Variants in AKAP13 observed in about 807,000 individuals in gnomAD.
AKAP13 encodes the protein A-kinase anchor protein 13.
In AKAP13, 80 loss-of-function variants were observed where a neutral mutation model predicts 264.5. That is an observed-to-expected ratio of 0.30 (90% CI 0.25 to 0.36). The LOEUF (loss-of-function observed/expected upper bound fraction) is 0.36, where lower values mean the gene tolerates loss of function less well. Among genes scored for constraint, AKAP13 ranks in the 10% least tolerant of loss-of-function variants. The pLI, the probability that AKAP13 is intolerant of heterozygous loss-of-function variation, is 1.00. For synonymous variants in AKAP13, 1,380 were observed against 1,250.2 expected (o/e 1.10, Z -2.19); for missense variants, 3,712 against 3,435.2 (o/e 1.08, Z -2.01).
intron 1 of AKAP13, among the ~76,000 whole-genome samples, chr15:85,419,453 A>AT (rs2072408823): frequency 6.6e-6 from 1 of 152,240 alleles, no homozygotes; most frequent in South Asian, 2.1e-4. Flanking sequence ...ATCATTCTGG[A>AT]AAACAATTGT....
intron 10 of AKAP13, among the ~76,000 whole-genome samples, chr15:85,651,004 T>C (rs1223612645): frequency 6.6e-6 from 1 of 152,012 alleles, no homozygotes; most frequent in Non-Finnish European, 1.5e-5. Flanking sequence ...ATAATAATAA[T>C]AAATGTTTGG....
intron 17 of AKAP13, chr15:85,702,518 C>A (rs2085990810): frequency 6.6e-6 from 1 of 152,116 alleles, no homozygotes; most frequent in Non-Finnish European, 1.5e-5. Flanking sequence ...ATGTAGCATC[C>A]ATGCAGTTAG....
At chr15:85,526,217 G>A (rs1184407176) in intron 3 of AKAP13, among the ~76,000 whole-genome samples, 2 of 152,082 alleles carry the variant, frequency 1.3e-5, no homozygotes, top group African/African-American at 2.4e-5. Context: ...GCAACAAATG[G>A]TCTGAGTTAT....
intron 8 of AKAP13, among the ~76,000 whole-genome samples, chr15:85,593,936 T>C (rs942537914): frequency 2.0e-5 from 3 of 152,228 alleles, no homozygotes; most frequent in African/African-American, 7.2e-5. Flanking sequence ...ATTTAGAGGC[T>C]GTTTCCTCAT....
intron 1 of AKAP13, among the ~76,000 whole-genome samples, chr15:85,385,951 G>T (rs917083570): frequency 3.9e-5 from 6 of 152,048 alleles, no homozygotes; most frequent in Non-Finnish European, 5.9e-5. Flanking sequence ...TTAACCTCCC[G>T]AGTAGCTGGG....
chr15:85,383,305 G>A (rs538908167), intron 1 of AKAP13, among the ~76,000 whole-genome samples: 4 of 152,186 alleles, frequency 2.6e-5, no homozygotes, highest in Non-Finnish European at 4.4e-5. Flanking sequence ...ACTAGGTAGC[G>A]TTCAGATCTC....
chr15:85,681,974 T>G (rs1044597075), intron 14 of AKAP13, among the ~76,000 whole-genome samples, 184 bp from the exon 15 acceptor site: 2 of 152,188 alleles, frequency 1.3e-5, no homozygotes, highest in African/African-American at 4.8e-5. Context: ...CTACTTCTGG[T>G]TCTAATTTGA....
intron 8 of AKAP13, among the ~76,000 whole-genome samples, chr15:85,617,104 G>A (rs1178617902): frequency 2.6e-5 from 4 of 152,200 alleles, no homozygotes; most frequent in Non-Finnish European, 5.9e-5. Context: ...AAAACTTCCT[G>A]AAGACAGACA....
intron 4 of AKAP13, among the ~76,000 whole-genome samples, chr15:85,539,545 G>T (rs1049670096): frequency 1.3e-5 from 2 of 152,174 alleles, no homozygotes; most frequent in Non-Finnish European, 2.9e-5. Context: ...CTTGATTATT[G>T]TACTGATCTC....
At chr15:85,493,458 A>G (rs1425317415) in intron 2 of AKAP13, among the ~76,000 whole-genome samples, 2 of 152,180 alleles carry the variant, frequency 1.3e-5, no homozygotes, top group Non-Finnish European at 2.9e-5. Flanking sequence ...AATGAAGGTG[A>G]TAACCTTGTC....
At chr15:85,472,885 GA>G (rs1788290192) in intron 1 of AKAP13, among the ~76,000 whole-genome samples, 1 of 152,154 alleles carries the variant, frequency 6.6e-6, no homozygotes, top group African/African-American at 2.4e-5. Context: ...AGTAAATGTG[GA>G]AACAGGCCAT....
intron 5 of AKAP13, among the ~76,000 whole-genome samples, chr15:85,548,742 T>C (rs866553916): frequency 4.6e-5 from 7 of 152,138 alleles, no homozygotes; most frequent in Admixed American, 2.6e-4. Flanking sequence ...CTACCAGATA[T>C]CTTGTTTTGT....
chr15:85,421,688 G>A (rs74633828), intron 1 of AKAP13, among the ~76,000 whole-genome samples: 8,214 of 152,308 alleles, frequency 0.054, 320 homozygotes, highest in Non-Finnish European at 0.08. Context: ...ATTGGAAGAA[G>A]CAAAGGCCCT....
chr15:85,664,855 C>A, intron 13 of AKAP13, 100 bp downstream of exon 13: 1 of 1,120,680 alleles, frequency 8.9e-7, no homozygotes, highest in Non-Finnish European at 1.2e-6. Flanking sequence ...GCTATGATTA[C>A]TTACCCATTA....
At position 85,718,984 on chromosome 15, in the gene AKAP13, C is replaced by G; in HGVS notation, c.6002-92C>G. The G allele has an allele frequency of 6.5e-7, 1 of 1,542,184 alleles. No homozygotes were observed. Among genetic ancestry groups the G allele is most frequent in the Non-Finnish European group, 8.7e-7 (1 of 1,143,822 alleles). ...CCAATTTTAAGGTTCAAATTGGGCT[C>G]TAAACTAGCTTTGGGACTGCAGCAG... is the stretch of plus-strand genomic sequence containing the variant. On this transcript the variant is annotated intron_variant, in intron 22 of 36. Coordinates refer to ENST00000394518, the MANE Select transcript of AKAP13 (RefSeq NM_007200.5). This position sits in a 1 kb window ranked among gnomAD's most constrained non-coding sequence, Gnocchi z 4.9.
chr15:85,415,287 G>A, intron 1 of AKAP13: 1 of 1,583,984 alleles, frequency 6.3e-7, no homozygotes, highest in East Asian at 2.2e-5. Flanking sequence ...AGGCTTTGAT[G>A]AATATGTGAA....
intron 14 of AKAP13, among the ~76,000 whole-genome samples, chr15:85,671,433 CAAAAAAAA>C (rs11296113): frequency 0.066 from 4,707 of 70,804 alleles, 302 homozygotes; most frequent in African/African-American, 0.2. Context: ...GACACTGCCT[CAAAAAAAA>C]AAAAAAAAAA....
At chr15:85,400,972 C>T (rs2071396587) in intron 1 of AKAP13, among the ~76,000 whole-genome samples, 2 of 151,792 alleles carry the variant, frequency 1.3e-5, no homozygotes, top group Non-Finnish European at 1.5e-5. Context: ...AGCGATTCTC[C>T]TGCCTCAACC....
At chr15:85,477,503 C>G (rs768805907) in intron 1 of AKAP13, among the ~76,000 whole-genome samples, 4 of 151,804 alleles carry the variant, frequency 2.6e-5, no homozygotes, top group Non-Finnish European at 5.9e-5. Flanking sequence ...TGGCTGGGGC[C>G]CCCAACAGAT....
Sources: gnomAD v4.1 joint callset for allele counts (sites outside exome capture counted in the v4.1 genomes callset) on GRCh38, gnomAD v4.1.1 for gene constraint, Gnocchi (gnomAD v3.1) non-coding constraint, MANE v1.5 for transcripts, NCBI Gene and HGNC (gene_info 2026-07-23, HGNC 2026-07-21) for gene names.